The following AHI1 variants were observed in gnomAD, a reference collection of about 807,000 sequenced individuals.
The protein encoded by AHI1 is Abelson helper integration site 1.
Under a neutral mutation model 149.3 loss-of-function variants are expected in AHI1, and 123 were observed. The observed-to-expected ratio is 0.82, with a 90% CI of 0.71 to 0.96. The LOEUF is 0.96. Among genes scored for constraint, AHI1 ranks in the 40% least tolerant of loss-of-function variants. The probability of loss-of-function intolerance (pLI) is 0.00; values close to 1 mark genes in which losing one functional copy is unlikely to be tolerated. For missense variants in AHI1, 1,439 were observed against 1,422.7 expected (o/e 1.01, Z -0.18); for synonymous variants, 475 against 459.8 (o/e 1.03, Z -0.42).
chr6:135,343,734 C>G lies in AHI1; in HGVS notation c.3165+14398G>C, dbSNP rs115829081. Reference sequence around the variant, plus strand: ...ATAAAGTTGGATCCTTAACTCACACCATCTACAAAAATAAAGTCAAACTGG... The same window carrying G: ...ATAAAGTTGGATCCTTAACTCACACGATCTACAAAAATAAAGTCAAACTGG... On this transcript the variant is annotated intron_variant, in intron 24 of 28. Transcript: ENST00000265602. Among the ~76,000 whole-genome samples, 526 of 151,170 alleles carry G rather than the reference C, an allele frequency of 3.5e-3. 1 individual carries two copies. The highest frequency in any genetic ancestry group is 0.012 in the African/African-American group (507 of 41,282).
intron 20 of AHI1, 128 bp downstream of exon 20, chr6:135,427,039 G>T: frequency 1.1e-6 from 1 of 869,904 alleles, no homozygotes; most frequent in Non-Finnish European, 1.7e-6. Flanking sequence ...AGCTTTCTGT[G>T]ATTCCAACAT....
At chr6:135,324,245 T>C (rs1787302355) in intron 24 of AHI1, among the ~76,000 whole-genome samples, 1 of 152,116 alleles carries the variant, frequency 6.6e-6, no homozygotes, top group African/African-American at 2.4e-5. Flanking sequence ...GAGGATCACT[T>C]GAGCCCCAGG....
At chr6:135,314,739 G>T (rs1016984820) in intron 26 of AHI1, among the ~76,000 whole-genome samples, 3 of 152,216 alleles carry the variant, frequency 2.0e-5, no homozygotes, top group South Asian at 2.1e-4. Context: ...CATGAGAGCC[G>T]GGAGTTAACA....
chr6:135,361,693 ACG>A (rs1232704684), intron 23 of AHI1, among the ~76,000 whole-genome samples: 2 of 138,926 alleles, frequency 1.4e-5, no homozygotes, highest in Non-Finnish European at 3.2e-5. Context: ...ACACACACAC[ACG>A]TGTGTATATT....
chr6:135,373,962 T>C (rs1244731741), intron 23 of AHI1, among the ~76,000 whole-genome samples: 1 of 151,722 alleles, frequency 6.6e-6, no homozygotes, highest in Non-Finnish European at 1.5e-5. Flanking sequence ...GATCTTTCTA[T>C]ATAGAACAGA....
At chr6:135,475,695 G>A (rs540372346) in intron 5 of AHI1, among the ~76,000 whole-genome samples, 2 of 152,134 alleles carry the variant, frequency 1.3e-5, no homozygotes, top group South Asian at 4.1e-4. Flanking sequence ...GAGGAATTAA[G>A]TGAGTCCCTT....
At chr6:135,293,078 G>A (rs545433467) in intron 27 of AHI1, among the ~76,000 whole-genome samples, 1 of 152,122 alleles carries the variant, frequency 6.6e-6, no homozygotes, top group Non-Finnish European at 1.5e-5. Context: ...TCCGAGGAAC[G>A]CGAAGTTGGT....
At chr6:135,308,223 T>C (rs1279242609) in intron 26 of AHI1, among the ~76,000 whole-genome samples, 1 of 152,174 alleles carries the variant, frequency 6.6e-6, no homozygotes, top group Admixed American at 6.5e-5. Flanking sequence ...ATGTTACTGA[T>C]ATTTAGGTTA....
chr6:135,353,269 T>A (rs995657389), intron 24 of AHI1, among the ~76,000 whole-genome samples: 1 of 152,148 alleles, frequency 6.6e-6, no homozygotes, highest in African/African-American at 2.4e-5. Context: ...CAAGTTCTTT[T>A]ATGACAAGTT....
At chr6:135,446,322 G>A (rs914682141) in intron 13 of AHI1, among the ~76,000 whole-genome samples, 1 of 152,128 alleles carries the variant, frequency 6.6e-6, no homozygotes, top group Non-Finnish European at 1.5e-5. Flanking sequence ...AGACAACAGG[G>A]GCGTGCATGC....
At chr6:135,305,712 A>G (rs1409618330) in intron 26 of AHI1, among the ~76,000 whole-genome samples, 3 of 152,162 alleles carry the variant, frequency 2.0e-5, no homozygotes, top group Non-Finnish European at 4.4e-5. Flanking sequence ...TGATCATGTC[A>G]TCCCCTTGCT....
intron 23 of AHI1, among the ~76,000 whole-genome samples, chr6:135,364,351 GCTC>G (rs1414027309): frequency 6.4e-5 from 9 of 141,020 alleles, no homozygotes; most frequent in African/African-American, 1.6e-4. Context: ...GGGAAGAGGC[GCTC>G]CTCACTTCCT....
intron 8 of AHI1, among the ~76,000 whole-genome samples, chr6:135,458,030 C>G (rs1238334718): frequency 6.6e-6 from 1 of 151,970 alleles, no homozygotes; most frequent in African/African-American, 2.4e-5. Flanking sequence ...ATATATATGA[C>G]AACTAGAATT....
intron 13 of AHI1, 71 bp downstream of exon 13, chr6:135,446,937 C>G (rs950796585): frequency 1.6e-5 from 23 of 1,452,630 alleles, no homozygotes; most frequent in East Asian, 1.2e-4. Flanking sequence ...GCTAGATATC[C>G]TAGGAGTTAT....
chr6:135,445,726 C>T (rs183343799), intron 13 of AHI1, among the ~76,000 whole-genome samples: 429 of 152,218 alleles, frequency 2.8e-3, no homozygotes, highest in Middle Eastern at 0.014. Context: ...GTGCATGCCA[C>T]CATGCCCACC....
rs1562309373 is a variant in AHI1 at position 135,497,240 on chromosome 6, G to C, written c.-192C>G. 1 of 152,104 alleles carries C rather than the reference G, an allele frequency of 6.6e-6. No homozygotes were observed. The highest frequency in any genetic ancestry group is 2.4e-5 in the African/African-American group (1 of 41,358). 9.4% of individuals were successfully genotyped at this position (152,104 alleles called of 1,614,324 possible). ...TTGACAGGTTGAAGATTCAGCCCCA[G>C]GTTGACACTCTAAAAGGAAATAAAC... is the stretch of plus-strand genomic sequence containing the variant. On this transcript the variant is annotated 5_prime_UTR_variant, in exon 2 of 29. Coordinates refer to ENST00000265602, the MANE Select transcript of AHI1 (RefSeq NM_001134831.2).
chr6:135,285,683 C>T, intron 28 of AHI1, 36 bp from the exon 29 acceptor site: 1 of 1,562,788 alleles, frequency 6.4e-7, no homozygotes, highest in African/African-American at 1.4e-5. Context: ...ACTAAATAAA[C>T]TTGAATAATG....
chr6:135,360,333 A>G (rs1793665593), intron 23 of AHI1, among the ~76,000 whole-genome samples: 1 of 152,232 alleles, frequency 6.6e-6, no homozygotes, highest in Non-Finnish European at 1.5e-5. Context: ...TAACATTTAA[A>G]TCAACAGGCT....
intron 5 of AHI1, among the ~76,000 whole-genome samples, chr6:135,477,569 A>C (rs1792884094): frequency 6.6e-6 from 1 of 152,108 alleles, no homozygotes; most frequent in African/African-American, 2.4e-5. Flanking sequence ...GAGGTGACTG[A>C]ATCATGGGGA....
Sources: allele counts gnomAD v4.1 joint callset (sites outside exome capture counted in the v4.1 genomes callset), GRCh38; gene constraint gnomAD v4.1.1; transcripts MANE v1.5; gene names NCBI Gene and HGNC (gene_info 2026-07-23, HGNC 2026-07-21).